Variants in FGFR2 observed in about 807,000 individuals in gnomAD.
The protein encoded by FGFR2 is BEK fibroblast growth factor receptor.
Under a neutral mutation model 95.9 loss-of-function variants are expected in FGFR2, and 19 were observed. That is an observed-to-expected ratio of 0.20 (90% CI 0.14 to 0.29). The LOEUF (loss-of-function observed/expected upper bound fraction) is 0.29. FGFR2 is among the 10% of genes least tolerant of loss of function. The probability of loss-of-function intolerance (pLI) is 1.00; values close to 1 mark genes in which losing one functional copy is unlikely to be tolerated. For missense variants in FGFR2, 707 were observed against 1,056.9 expected, an observed-to-expected ratio of 0.67 and a Z score of 4.59; for synonymous variants, 392 against 393.3, an observed-to-expected ratio of 1.00 and a Z score of 0.04.
Position 121,500,949 on chromosome 10 carries a change from T to C in FGFR2, c.1440-2A>G. 6.2e-7 allele frequency: 1 copy of C among 1,614,012 alleles called. No individual in the cohort carries two copies. Among genetic ancestry groups the C allele is most frequent in the Non-Finnish European group, 8.5e-7 (1 of 1,180,036 alleles). On this transcript the variant is annotated splice_acceptor_variant, in intron 10 of 17. Transcript: ENST00000358487. LOFTEE classifies it high-confidence loss of function. ...CCCAGGGGCTTGCCCAGTGTCAGCC[T>C]AAATGTGTAAATAGGGGATTAGCAC...
intron 6 of FGFR2, among the ~76,000 whole-genome samples, chr10:121,521,866 C>G (rs1564922395): frequency 6.6e-6 from 1 of 152,294 alleles, no homozygotes. Context: ...AATTGCAGCA[C>G]CATTAACAAT....
In FGFR2 at chr10:121,500,886, C is replaced by G. The variant is rs2134008599; in HGVS notation, c.1501G>C (p.Val501Leu). Residue 501 changes from valine (V) to leucine (L), a missense_variant, in exon 11 of 18, where the codon GTG becomes CTG. Around this residue, in one of 7 missense-constraint regions of FGFR2, gnomAD observed 194 missense variants for 267.3 expected, o/e 0.73. Transcript: ENST00000358487. ...CFGQVVMAEA[V>L]GIDKDKPKEA... ...TTGGGCTTGTCTTTGTCAATTCCCACTGCTTCCGCCATGACCACTTGCCCA... is the reference window on the plus strand; with the variant it reads ...TTGGGCTTGTCTTTGTCAATTCCCAGTGCTTCCGCCATGACCACTTGCCCA... 6.2e-7 allele frequency: 1 copy of G among 1,614,246 alleles called. No individual in the cohort carries two copies. The highest frequency in any genetic ancestry group is 1.1e-5 in the South Asian group (1 of 91,088).
At chr10:121,540,481 A>G (rs1240940686) in intron 5 of FGFR2, among the ~76,000 whole-genome samples, 2 of 152,138 alleles carry the variant, frequency 1.3e-5, no homozygotes, top group Admixed American at 6.5e-5. Flanking sequence ...TTCCAGCGCA[A>G]TGAGAATTCC....
In FGFR2 at chr10:121,531,886, G is replaced by A. The variant is rs1432785495; in HGVS notation, c.748+6706C>T. On this transcript the variant is annotated intron_variant, in intron 6 of 17. Coordinates refer to ENST00000358487, the MANE Select transcript of FGFR2 (RefSeq NM_000141.5). This position sits in a 1 kb window ranked among gnomAD's most constrained non-coding sequence, Gnocchi z 4.5. ...GATGGCTGCTGGGGACACGAAAGCG[G>A]CAAAAGGAAGGTGCTTCCTCCTCAA... is the stretch of plus-strand genomic sequence containing the variant. Among the ~76,000 whole-genome samples the A allele has an allele frequency of 6.6e-6, 1 of 152,164 alleles. No individual in the cohort carries two copies. The highest frequency in any genetic ancestry group is 2.4e-5 in the African/African-American group (1 of 41,442).
At chr10:121,537,405 A>C (rs949734271) in intron 6 of FGFR2, among the ~76,000 whole-genome samples, 1 of 152,224 alleles carries the variant, frequency 6.6e-6, no homozygotes, top group African/African-American at 2.4e-5. Context: ...AGTTAACCTA[A>C]AATTTTAATT....
intron 2 of FGFR2, chr10:121,583,482 G>A (rs1861273942): frequency 6.6e-6 from 1 of 152,186 alleles, no homozygotes; most frequent in Admixed American, 6.5e-5. Context: ...GCGCAGCCTG[G>A]ACCACCAACT....
At chr10:121,503,273 ATAT>A (rs1784594681) in intron 10 of FGFR2, among the ~76,000 whole-genome samples, 1 of 152,232 alleles carries the variant, frequency 6.6e-6, no homozygotes, top group African/African-American at 2.4e-5. Context: ...AACAAGGAAA[ATAT>A]TATGGATCAC....
rs1316593975 is a variant in FGFR2 at position 121,494,782 on chromosome 10, C to T, written c.1863+1750G>A. On this transcript the variant is annotated intron_variant, in intron 13 of 17. Coordinates refer to ENST00000358487, the MANE Select transcript of FGFR2 (RefSeq NM_000141.5). ...ACTTAAAACTGAGCTGCAGGCATCA[C>T]TGATACTTCACAAATCTCAATTCTT... Among the ~76,000 whole-genome samples, 4 of 152,300 alleles carry T rather than the reference C, an allele frequency of 2.6e-5. No homozygotes were observed. In the East Asian group the frequency reaches 7.7e-4, roughly 29 times the overall value.
chr10:121,579,556 C>T (rs1860494534), intron 2 of FGFR2, among the ~76,000 whole-genome samples: 1 of 152,176 alleles, frequency 6.6e-6, no homozygotes, highest in African/African-American at 2.4e-5. Flanking sequence ...ATGTATGATG[C>T]CTGTTTAATT....
intron 9 of FGFR2, 81 bp downstream of exon 9, chr10:121,515,036 C>T (rs1849516557): frequency 7.5e-7 from 1 of 1,336,884 alleles, no homozygotes; most frequent in African/African-American, 1.4e-5. Flanking sequence ...AAGTCGATGG[C>T]ATCAAAGCAG....
chr10:121,555,592 G>T (rs1382587634), intron 4 of FGFR2, among the ~76,000 whole-genome samples: 3 of 152,116 alleles, frequency 2.0e-5, no homozygotes, highest in Non-Finnish European at 4.4e-5. Flanking sequence ...GGTTCCTTTG[G>T]CTCTGACATT....
At chr10:121,576,493 C>T (rs1859787943) in intron 2 of FGFR2, among the ~76,000 whole-genome samples, 1 of 152,180 alleles carries the variant, frequency 6.6e-6, no homozygotes, top group Non-Finnish European at 1.5e-5. Context: ...CATCAAAAGG[C>T]ATGTGGGGGG....
chr10:121,482,663 T>C (rs1354885848), intron 17 of FGFR2, among the ~76,000 whole-genome samples: 1 of 152,226 alleles, frequency 6.6e-6, no homozygotes, highest in Non-Finnish European at 1.5e-5. Context: ...GGGTTTATCA[T>C]CTTTCCTGCT....
chr10:121,568,551 T>A (rs1858050094), intron 2 of FGFR2, among the ~76,000 whole-genome samples: 1 of 151,434 alleles, frequency 6.6e-6, no homozygotes, highest in Admixed American at 6.6e-5. Context: ...ATCTGCTCCA[T>A]CCTGACCCTC....
At chr10:121,588,109 A>G (rs1204117164) in intron 2 of FGFR2, among the ~76,000 whole-genome samples, 1 of 152,222 alleles carries the variant, frequency 6.6e-6, no homozygotes, top group Non-Finnish European at 1.5e-5. Context: ...GGATGGAGCT[A>G]GAGGCCATTA....
intron 2 of FGFR2, among the ~76,000 whole-genome samples, chr10:121,590,967 G>A (rs1564749704): frequency 1.3e-5 from 2 of 151,850 alleles, no homozygotes; most frequent in South Asian, 2.1e-4. Context: ...GCACAGGCAC[G>A]CACGCACGCA....
In FGFR2 at chr10:121,496,610, C is replaced by A. The variant is rs55724054; in HGVS notation, c.1785G>T (p.Glu595Asp). The A allele has an allele frequency of 6.2e-7, 1 of 1,613,488 alleles. No individual in the cohort carries two copies. Among genetic ancestry groups the A allele is most frequent in the Non-Finnish European group, 8.5e-7 (1 of 1,179,996 alleles). Residue 595 changes from glutamate to aspartate, a missense_variant, in exon 13 of 18, where the codon GAG becomes GAT. Glu to Asp is a conservative substitution (Grantham distance 45). Around this residue, in one of 7 missense-constraint regions of FGFR2, gnomAD observed 37 missense variants for 34.1 expected, o/e 1.09. Transcript: ENST00000358487. The part of the protein sequence containing the change: ...EYSYDINRVP[E>D]EQMTFKDLVS... ...CCAAGTCCTTGAAGGTCATCTGCTCCTCAGGAACACGGTTAATGTCATAGG... is the reference window on the plus strand; with the variant it reads ...CCAAGTCCTTGAAGGTCATCTGCTCATCAGGAACACGGTTAATGTCATAGG...
chr10:121,483,207 A>G (rs3135812), intron 17 of FGFR2, among the ~76,000 whole-genome samples: 3,783 of 152,364 alleles, frequency 0.025, 81 homozygotes, highest in Non-Finnish European at 0.038. Flanking sequence ...GCTGCAAGGC[A>G]TATAGCATTA....
At chr10:121,509,986 C>T (rs143169545) in intron 9 of FGFR2, among the ~76,000 whole-genome samples, 6 of 152,112 alleles carry the variant, frequency 3.9e-5, no homozygotes, top group Non-Finnish European at 8.8e-5. Flanking sequence ...CACCTTCCCC[C>T]ACAAGAACAC....
Sources: gnomAD v4.1 joint callset for allele counts (sites outside exome capture counted in the v4.1 genomes callset) on GRCh38, gnomAD v4.1.1 for gene constraint, gnomAD v4.1.1 regional missense constraint, Gnocchi (gnomAD v3.1) non-coding constraint, MANE v1.5 for transcripts, NCBI Gene and HGNC (gene_info 2026-07-23, HGNC 2026-07-21) for gene names.